SEM1: variants seen among roughly 807,000 people sequenced by gnomAD.
The protein encoded by SEM1 is 26S proteasome complex subunit SEM1.
A neutral mutation model predicts 12.7 loss-of-function variants in SEM1; 3 were observed. The observed-to-expected ratio is 0.24, with a 90% CI of 0.11 to 0.61. The LOEUF is 0.61. Among genes scored for constraint, SEM1 ranks in the 20% least tolerant of loss-of-function variants. The pLI, the probability that SEM1 is intolerant of heterozygous loss-of-function variation, is 0.88. For synonymous variants in SEM1, 30 were observed against 27.8 expected (o/e 1.08, Z -0.25); for missense variants, 59 against 81.3 (o/e 0.73, Z 1.06).
At chr7:96,683,187 G>C (rs968042489) in intron 2 of SEM1, among the ~76,000 whole-genome samples, 2 of 149,392 alleles carry the variant, frequency 1.3e-5, no homozygotes, top group African/African-American at 2.5e-5. Context: ...TTGAAACAAG[G>C]ATATAGAACT....
chr7:96,514,690 A>G (rs1196209329), intron 2 of SEM1, among the ~76,000 whole-genome samples: 1 of 151,266 alleles, frequency 6.6e-6, no homozygotes, highest in Non-Finnish European at 1.5e-5. Flanking sequence ...GCAGTTAGGT[A>G]TAAATCTAAC....
At chr7:96,516,365 C>A (rs963003720) in intron 2 of SEM1, among the ~76,000 whole-genome samples, 5 of 152,134 alleles carry the variant, frequency 3.3e-5, no homozygotes, top group South Asian at 2.1e-4. Context: ...CCAAAATAGA[C>A]AAAGAATTCT....
chr7:96,673,425 A>G, downstream of SEM1: 1 of 220,228 alleles, frequency 4.5e-6, no homozygotes, highest in South Asian at 9.2e-5. Flanking sequence ...TCCTTTTTAT[A>G]TGAAAGACAT....
intron 2 of SEM1, among the ~76,000 whole-genome samples, chr7:96,657,804 G>T (rs1809227591): frequency 6.6e-6 from 1 of 152,182 alleles, no homozygotes; most frequent in South Asian, 2.1e-4. Flanking sequence ...AACGCCAGTG[G>T]CCAGCCCTTT....
chr7:96,628,186 G>A (rs1291404432), intron 2 of SEM1, among the ~76,000 whole-genome samples: 1 of 151,660 alleles, frequency 6.6e-6, no homozygotes, highest in East Asian at 1.9e-4. Flanking sequence ...TTTCTTGTAG[G>A]TGACAGATCA....
intron 2 of SEM1, among the ~76,000 whole-genome samples, chr7:96,590,036 A>C (rs1407265050): frequency 6.6e-6 from 1 of 152,224 alleles, no homozygotes; most frequent in Non-Finnish European, 1.5e-5. Flanking sequence ...CATTCAGGCT[A>C]ATATTTCTTG....
chr7:96,646,137 A>C (rs1017823372), intron 2 of SEM1, among the ~76,000 whole-genome samples: 1 of 152,168 alleles, frequency 6.6e-6, no homozygotes, highest in Admixed American at 6.5e-5. Context: ...TATAGCCTGC[A>C]TGACAAATCC....
chr7:96,658,081 C>T (rs1299370745), intron 2 of SEM1, among the ~76,000 whole-genome samples: 2 of 152,124 alleles, frequency 1.3e-5, no homozygotes, highest in African/African-American at 4.8e-5. Flanking sequence ...AAATGAGTCT[C>T]CCAAATCAAT....
chr7:96,531,800 T>A (rs931520128), intron 2 of SEM1, among the ~76,000 whole-genome samples: 2 of 152,090 alleles, frequency 1.3e-5, no homozygotes, highest in Admixed American at 6.6e-5. Context: ...CATTTCAGAA[T>A]TTCTATGTGC....
chr7:96,637,437 T>C (rs1808462990), intron 2 of SEM1: 1 of 152,100 alleles, frequency 6.6e-6, no homozygotes, highest in African/African-American at 2.4e-5. Context: ...GCTTTTAATA[T>C]GTGTATGTAC....
intron 2 of SEM1, among the ~76,000 whole-genome samples, chr7:96,572,312 G>C (rs748948501): frequency 6.6e-6 from 1 of 152,000 alleles, no homozygotes; most frequent in Non-Finnish European, 1.5e-5. Context: ...GTTATTTCTT[G>C]TCTTCTGCTA....
chr7:96,665,103 C>A (rs889921128), intron 2 of SEM1, among the ~76,000 whole-genome samples: 3 of 152,156 alleles, frequency 2.0e-5, no homozygotes, highest in Admixed American at 6.5e-5. Flanking sequence ...CCCATAGGCA[C>A]TGGTTTCTCA....
In SEM1 at chr7:96,551,674, T is replaced by C. The variant is rs147987012; in HGVS notation, c.171-44976A>G. ...GAGCCAAGATAGCACCACTACACTC[T>C]AGCCTGAGCAAGAGGAGTGAGACTC... On this transcript the variant is annotated intron_variant and NMD_transcript_variant, in intron 2 of 3. Coordinates refer to the SEM1 transcript ENST00000466986. Among the ~76,000 whole-genome samples the C allele has an allele frequency of 3.3e-4, 44 of 132,604 alleles. No homozygotes were observed. In the East Asian group the frequency reaches 5.7e-3, roughly 17 times the overall value. 87.0% of individuals were successfully genotyped at this position (132,604 alleles called of 152,430 possible).
chr7:96,680,306 T>C (rs189607170), intron 2 of SEM1, among the ~76,000 whole-genome samples: 25 of 152,184 alleles, frequency 1.6e-4, no homozygotes, highest in Admixed American at 1.4e-3. Flanking sequence ...CTATTCTAAG[T>C]TGCTTCTGAG....
downstream of SEM1, among the ~76,000 whole-genome samples, chr7:96,684,292 T>C (rs1002217037): frequency 6.6e-6 from 1 of 152,084 alleles, no homozygotes; most frequent in Non-Finnish European, 1.5e-5. Context: ...TTTGATTCAT[T>C]GCCCCAAATT....
At chr7:96,545,711 T>G (rs1458245862) in intron 2 of SEM1, among the ~76,000 whole-genome samples, 1 of 152,058 alleles carries the variant, frequency 6.6e-6, no homozygotes, top group Non-Finnish European at 1.5e-5. Flanking sequence ...TTTTCACTAT[T>G]TAATACACAT....
At chr7:96,512,748 T>C (rs1232732337) in intron 2 of SEM1, among the ~76,000 whole-genome samples, 2 of 152,030 alleles carry the variant, frequency 1.3e-5, no homozygotes, top group East Asian at 3.9e-4. Flanking sequence ...CAAGTGTCAC[T>C]AGTGTAAAAG....
intron 2 of SEM1, among the ~76,000 whole-genome samples, chr7:96,568,084 T>C (rs1294620928): frequency 6.6e-6 from 1 of 151,882 alleles, no homozygotes; most frequent in East Asian, 1.9e-4. Flanking sequence ...TTCTGAACAT[T>C]GCGTTGACAT....
At chr7:96,495,539 A>G (rs879568562) in intron 1 of SEM1, among the ~76,000 whole-genome samples, 1 of 152,188 alleles carries the variant, frequency 6.6e-6, no homozygotes, top group African/African-American at 2.4e-5. Context: ...CCAATATTTA[A>G]TTAACAATAC....
Sources: gnomAD v4.1 joint callset for allele counts (sites outside exome capture counted in the v4.1 genomes callset) on GRCh38, gnomAD v4.1.1 for gene constraint, MANE v1.5 for transcripts, NCBI Gene and HGNC (gene_info 2026-07-23, HGNC 2026-07-21) for gene names.